Variants in SH3RF2 observed in about 807,000 individuals in gnomAD.
SH3RF2 encodes SH3 domain containing ring finger 2, also known as E3 ubiquitin-protein ligase SH3RF2.
SH3RF2 carries 43 observed loss-of-function variants against 59.0 expected under a neutral mutation model. The observed-to-expected ratio is 0.73, with a 90% CI of 0.57 to 0.94. The LOEUF is 0.94. Among genes scored for constraint, SH3RF2 ranks in the 40% least tolerant of loss-of-function variants. The pLI is 0.00. For missense variants in SH3RF2, 930 were observed against 940.1 expected (o/e 0.99, Z 0.14); for synonymous variants, 391 against 391.5 (o/e 1.00, Z 0.01).
At chr5:146,044,933 G>A (rs1345274460) in intron 5 of SH3RF2, among the ~76,000 whole-genome samples, 1 of 152,208 alleles carries the variant, frequency 6.6e-6, no homozygotes, top group Non-Finnish European at 1.5e-5. Context: ...GCCCTCCCCA[G>A]ATAAAGGCCC....
chr5:145,999,663 T>G (rs1274169107), intron 2 of SH3RF2, among the ~76,000 whole-genome samples: 1 of 151,632 alleles, frequency 6.6e-6, no homozygotes, highest in Non-Finnish European at 1.5e-5. Flanking sequence ...AATGACCAGT[T>G]TGTGGAGCAG....
chr5:145,964,422 T>G (rs1758782899), intron 2 of SH3RF2, among the ~76,000 whole-genome samples: 1 of 151,662 alleles, frequency 6.6e-6, no homozygotes, highest in South Asian at 2.1e-4. Flanking sequence ...TTCTCCTGCT[T>G]CAGGCTCCCA....
intron 5 of SH3RF2, among the ~76,000 whole-genome samples, chr5:146,046,559 T>C (rs1762311693): frequency 6.6e-6 from 1 of 152,202 alleles, no homozygotes; most frequent in Non-Finnish European, 1.5e-5. Flanking sequence ...TTTTCATTCA[T>C]TCCTTCACTC....
intron 9 of SH3RF2, among the ~76,000 whole-genome samples, chr5:146,076,103 G>A (rs892229098): frequency 6.6e-6 from 1 of 152,136 alleles, no homozygotes; most frequent in Non-Finnish European, 1.5e-5. Flanking sequence ...CAACCTGGAA[G>A]GTCAGATTAA....
At chr5:146,075,834 AG>A (rs1561777929) in intron 9 of SH3RF2, among the ~76,000 whole-genome samples, 1 of 148,246 alleles carries the variant, frequency 6.7e-6, no homozygotes, top group Non-Finnish European at 1.5e-5. Context: ...TCCAGACATC[AG>A]GGGGTTTTGG....
chr5:146,047,154 C>CGTGTGT lies in SH3RF2; in HGVS notation c.1060-599_1060-594dup, dbSNP rs35750777. On this transcript the variant is annotated intron_variant, in intron 5 of 9. Transcript: ENST00000359120. ...CAACTACTATAAGTCATTGGATAGGCGTGTGTGTGTGTGTGTGTGTGTGTT... is the reference window on the plus strand; with the variant it reads ...CAACTACTATAAGTCATTGGATAGGCGTGTGTGTGTGTGTGTGTGTGTGTGTGTGTT... 7.4e-5 allele frequency among the ~76,000 whole-genome samples: 11 copies of CGTGTGT among 148,226 alleles called. 1 individual carries two copies. Among genetic ancestry groups the CGTGTGT allele is most frequent in the African/African-American group, 7.5e-5 (3 of 40,258 alleles).
chr5:145,981,822 G>C (rs1180413678), intron 2 of SH3RF2, among the ~76,000 whole-genome samples: 1 of 152,140 alleles, frequency 6.6e-6, no homozygotes. Flanking sequence ...CTGCTGTATT[G>C]GACAGCATAG....
rs372490772 is a variant in SH3RF2 at position 146,070,720 on chromosome 5, C to T, written c.*34-7740C>T. ...ACAAAAGGGCTCAGAGAGCTGACAT[C>T]TTCTTCCAGTGTTCCTTGCTGGTGT... On this transcript the variant is annotated intron_variant, in intron 9 of 9. Transcript: ENST00000511217. 1.6e-4 allele frequency among the ~76,000 whole-genome samples: 24 copies of T among 152,328 alleles called. No individual in the cohort carries two copies. The South Asian group carries it at 4.8e-3, about 30-fold the overall frequency.
At position 146,078,207 on chromosome 5, in the gene SH3RF2, T is replaced by C. The variant is rs76714311; in HGVS notation, c.*34-253T>C. Among the ~76,000 whole-genome samples, 904 of 152,322 alleles carry C rather than the reference T, an allele frequency of 5.9e-3. 10 individuals are homozygous for C. Among genetic ancestry groups the C allele is most frequent in the African/African-American group, 0.021 (867 of 41,574 alleles). On this transcript the variant is annotated intron_variant, in intron 9 of 9. Coordinates refer to the SH3RF2 transcript ENST00000511217. ...AGAATATCTCCTCACAAGATACTTATTAGTCACTGAAGGAAAAAGAAATCA... is the reference window on the plus strand; with the variant it reads ...AGAATATCTCCTCACAAGATACTTACTAGTCACTGAAGGAAAAAGAAATCA...
At chr5:145,976,780 G>A (rs1358123873) in intron 2 of SH3RF2, among the ~76,000 whole-genome samples, 1 of 152,154 alleles carries the variant, frequency 6.6e-6, no homozygotes, top group Non-Finnish European at 1.5e-5. Flanking sequence ...TAATAGCTGG[G>A]CTTACTAGCC....
At chr5:146,052,656 TA>T (rs1762539867) in intron 7 of SH3RF2, among the ~76,000 whole-genome samples, 1 of 151,870 alleles carries the variant, frequency 6.6e-6, no homozygotes, top group Non-Finnish European at 1.5e-5. Context: ...ATGATCTCTC[TA>T]ATGCAAAAAA....
Position 145,937,959 on chromosome 5 carries a change from G to C in SH3RF2, c.31G>C (p.Glu11Gln). MDDLTLLDLL[E>Q]CPVCFEKLDV... ...TGATTTGACGTTACTTGATCTTCTG[G>C]AGTGCCCTGTGTGCTTTGAGAAGCT... Residue 11 changes from glutamate (E) to glutamine (Q), a missense_variant, in exon 2 of 10, where the codon GAG becomes CAG. Transcript: ENST00000359120. The C allele has an allele frequency of 2.5e-6, 4 of 1,614,040 alleles. No homozygotes were observed. The highest frequency in any genetic ancestry group is 3.4e-6 in the Non-Finnish European group (4 of 1,179,984).
At chr5:145,961,930 C>T (rs1392574398) in intron 2 of SH3RF2, among the ~76,000 whole-genome samples, 2 of 152,206 alleles carry the variant, frequency 1.3e-5, no homozygotes, top group Non-Finnish European at 2.9e-5. Context: ...TCACAGTCAC[C>T]TGGATTCTGT....
intron 2 of SH3RF2, among the ~76,000 whole-genome samples, chr5:145,955,278 T>C (rs1376654507): frequency 1.3e-5 from 2 of 152,166 alleles, no homozygotes; most frequent in Non-Finnish European, 2.9e-5. Flanking sequence ...CTGGAGGCCA[T>C]CATCCTAAGT....
intron 2 of SH3RF2, among the ~76,000 whole-genome samples, chr5:145,953,084 T>C (rs1170150671): frequency 1.3e-5 from 2 of 151,478 alleles, no homozygotes; most frequent in African/African-American, 4.9e-5. Flanking sequence ...TCTGAAGAAA[T>C]ATAGGCAGAA....
chr5:145,982,002 T>C (rs1482821543), intron 2 of SH3RF2, among the ~76,000 whole-genome samples: 1 of 152,230 alleles, frequency 6.6e-6, no homozygotes, highest in Non-Finnish European at 1.5e-5. Flanking sequence ...TTACATAATG[T>C]AAGGGAAGTA....
rs114943764 is a variant in SH3RF2, at chr5:146,001,743, A to G, written c.648+1416A>G. Reference sequence around the variant, plus strand: ...TGTGCCAAGCTGGCCATTGGAGATAAAGTGATGAGTCATTGTTCTTACCTA... The same window carrying G: ...TGTGCCAAGCTGGCCATTGGAGATAGAGTGATGAGTCATTGTTCTTACCTA... On this transcript the variant is annotated intron_variant, in intron 3 of 9. Transcript: ENST00000359120. Among the ~76,000 whole-genome samples the G allele has an allele frequency of 6.9e-3, 1,046 of 152,314 alleles. 12 individuals are homozygous for G. The highest frequency in any genetic ancestry group is 0.024 in the African/African-American group (1,006 of 41,560).
intron 5 of SH3RF2, among the ~76,000 whole-genome samples, chr5:146,019,797 C>T (rs1032525197): frequency 7.2e-5 from 11 of 151,968 alleles, no homozygotes; most frequent in Admixed American, 2.0e-4. Flanking sequence ...TTGTAGTTCT[C>T]CTTGTAGAGA....
intron 9 of SH3RF2, among the ~76,000 whole-genome samples, chr5:146,070,169 GA>G (rs1294793005): frequency 1.3e-5 from 2 of 152,112 alleles, no homozygotes; most frequent in African/African-American, 2.4e-5. Context: ...GAGGTCAAAT[GA>G]CCTGTCCAAG....
Sources: gnomAD v4.1 joint callset for allele counts (sites outside exome capture counted in the v4.1 genomes callset) on GRCh38, gnomAD v4.1.1 for gene constraint, MANE v1.5 for transcripts, NCBI Gene and HGNC (gene_info 2026-07-23, HGNC 2026-07-21) for gene names.